Variants in LRRFIP2 observed in about 807,000 individuals in gnomAD.
LRRFIP2 encodes LRR binding FLII interacting protein 2.
A neutral mutation model predicts 125.9 loss-of-function variants in LRRFIP2; 109 were observed. The observed-to-expected ratio is 0.87, with a 90% CI of 0.74 to 1.01. LRRFIP2 has a LOEUF of 1.01. Ranked by LOEUF, LRRFIP2 falls within the 50% of genes least tolerant of loss-of-function variation. LRRFIP2 has a pLI of 0.00. For missense variants in LRRFIP2, 850 were observed against 862.3 expected, an observed-to-expected ratio of 0.99 and a Z score of 0.18; for synonymous variants, 291 against 293.1, an observed-to-expected ratio of 0.99 and a Z score of 0.07.
At chr3:37,146,658 T>C (rs994971618) in intron 2 of LRRFIP2, among the ~76,000 whole-genome samples, 4 of 152,254 alleles carry the variant, frequency 2.6e-5, no homozygotes, top group African/African-American at 7.2e-5. Flanking sequence ...TTCCTTTTTA[T>C]GGCTGCACAA....
At chr3:37,095,464 C>A (rs947801073) in intron 16 of LRRFIP2, among the ~76,000 whole-genome samples, 3 of 152,154 alleles carry the variant, frequency 2.0e-5, no homozygotes, top group Non-Finnish European at 4.4e-5. Context: ...GATTAATAAA[C>A]TGCATGAATC....
intron 2 of LRRFIP2, chr3:37,135,231 C>A (rs1163276787): frequency 3.1e-6 from 2 of 640,546 alleles, no homozygotes; most frequent in East Asian, 5.8e-5. Flanking sequence ...GAGTCCAAGG[C>A]GGGCTGATCA....
At chr3:37,055,994 T>G (rs935220282) in intron 25 of LRRFIP2, among the ~76,000 whole-genome samples, 7 of 152,258 alleles carry the variant, frequency 4.6e-5, no homozygotes, top group African/African-American at 1.7e-4. Flanking sequence ...TCCCTTGCTG[T>G]ATTTTATTTG....
chr3:37,095,829 CA>C (rs1264210674), intron 16 of LRRFIP2, among the ~76,000 whole-genome samples: 4 of 151,910 alleles, frequency 2.6e-5, no homozygotes, highest in Non-Finnish European at 5.9e-5. Flanking sequence ...GCATTTTTAG[CA>C]GAGACAGGGT....
intron 7 of LRRFIP2, 65 bp downstream of exon 7, chr3:37,114,989 A>G: frequency 8.1e-7 from 1 of 1,227,704 alleles, no homozygotes; most frequent in Non-Finnish European, 1.2e-6. Flanking sequence ...ATATTCTATA[A>G]TTAGCATCAA....
At chr3:37,073,371 G>T (rs981965987) in intron 20 of LRRFIP2, among the ~76,000 whole-genome samples, 5 of 152,176 alleles carry the variant, frequency 3.3e-5, no homozygotes, top group African/African-American at 1.2e-4. Context: ...AGAACACCAT[G>T]AATTTTGTAT....
At chr3:37,118,076 GCT>G (rs2094874701) in intron 6 of LRRFIP2, among the ~76,000 whole-genome samples, 1 of 152,124 alleles carries the variant, frequency 6.6e-6, no homozygotes, top group Non-Finnish European at 1.5e-5. Context: ...TATCCCTACT[GCT>G]CTGATTCAAT....
chr3:37,092,930 C>G (rs1313216103), intron 17 of LRRFIP2, among the ~76,000 whole-genome samples: 2 of 152,284 alleles, frequency 1.3e-5, no homozygotes, highest in South Asian at 4.1e-4. Flanking sequence ...CCTCTGCCTC[C>G]CGGGTTCAAG....
chr3:37,089,716 A>G (rs529932575), intron 18 of LRRFIP2, among the ~76,000 whole-genome samples: 57 of 152,208 alleles, frequency 3.7e-4, no homozygotes, highest in Non-Finnish European at 6.3e-4. Flanking sequence ...TTTAAATAAA[A>G]TGCCAGTAAG....
chr3:37,109,779 G>A (rs2094486311), intron 9 of LRRFIP2, 76 bp from the exon 10 acceptor site: 1 of 1,296,648 alleles, frequency 7.7e-7, no homozygotes, highest in South Asian at 1.2e-5. Context: ...GAATGCAGAG[G>A]ACTTAAGTTT....
chr3:37,156,229 C>T (rs1188907010), intron 1 of LRRFIP2, among the ~76,000 whole-genome samples: 1 of 152,058 alleles, frequency 6.6e-6, no homozygotes, highest in African/African-American at 2.4e-5. Flanking sequence ...CCTGTAATCC[C>T]AGCACTCTGC....
intron 6 of LRRFIP2, among the ~76,000 whole-genome samples, chr3:37,120,319 G>T (rs1387334730): frequency 6.6e-6 from 1 of 151,762 alleles, no homozygotes; most frequent in African/African-American, 2.4e-5. Context: ...TAGCCAGGCT[G>T]GTCTTGAACT....
chr3:37,099,170 T>G (rs2093889513), intron 15 of LRRFIP2, among the ~76,000 whole-genome samples: 1 of 152,178 alleles, frequency 6.6e-6, no homozygotes, highest in African/African-American at 2.4e-5. Flanking sequence ...CATGCCATAG[T>G]TCTCTTATTT....
At chr3:37,103,247 G>A (rs2094163958) in intron 14 of LRRFIP2, among the ~76,000 whole-genome samples, 1 of 152,084 alleles carries the variant, frequency 6.6e-6, no homozygotes, top group Non-Finnish European at 1.5e-5. Flanking sequence ...CTTAACTAGA[G>A]TCCTATGCTA....
intron 15 of LRRFIP2, among the ~76,000 whole-genome samples, chr3:37,102,210 A>C (rs2094098187): frequency 6.6e-6 from 1 of 152,198 alleles, no homozygotes; most frequent in Non-Finnish European, 1.5e-5. Flanking sequence ...ATAATGATAT[A>C]AGAGATCTGA....
chr3:37,169,258 G>C (rs1161453108), intron 1 of LRRFIP2, among the ~76,000 whole-genome samples: 1 of 151,920 alleles, frequency 6.6e-6, no homozygotes, highest in East Asian at 1.9e-4. Flanking sequence ...TTTTAAAAAA[G>C]GTCAACAGAG....
At chr3:37,154,932 G>C (rs991757744) in intron 1 of LRRFIP2, among the ~76,000 whole-genome samples, 18 of 152,186 alleles carry the variant, frequency 1.2e-4, no homozygotes, top group East Asian at 7.7e-4. Flanking sequence ...TATTGTCCTA[G>C]TATGTCTTTG....
At chr3:37,071,621 C>T (rs951250338) in intron 21 of LRRFIP2, among the ~76,000 whole-genome samples, 5 of 152,168 alleles carry the variant, frequency 3.3e-5, no homozygotes, top group Non-Finnish European at 7.3e-5. Flanking sequence ...TTCCTAACAA[C>T]ATTCTGAGGG....
At chr3:37,165,810 AAAGAAAGAAAGAAAGAAAGAAAGAAAG>A (rs2096470065) in intron 1 of LRRFIP2, among the ~76,000 whole-genome samples, 1 of 142,566 alleles carries the variant, frequency 7.0e-6, no homozygotes, top group South Asian at 2.3e-4. Context: ...AGAAAGAAAG[AAAGAAAGAAAGAAAGAAAGAAAGAAAG>A]AAAGAAAGAA....
Sources: allele counts gnomAD v4.1 joint callset (sites outside exome capture counted in the v4.1 genomes callset), GRCh38; gene constraint gnomAD v4.1.1; transcripts MANE v1.5; gene names NCBI Gene and HGNC (gene_info 2026-07-23, HGNC 2026-07-21).